The following LAMC1 variants were observed in gnomAD, a reference collection of about 807,000 sequenced individuals.
LAMC1 encodes the protein laminin subunit gamma 1.
Under a neutral mutation model 173.6 loss-of-function variants are expected in LAMC1, and 38 were observed. The observed-to-expected ratio is 0.22, with a 90% CI of 0.17 to 0.29. The LOEUF (loss-of-function observed/expected upper bound fraction) is 0.29. Among genes scored for constraint, LAMC1 ranks in the 10% least tolerant of loss-of-function variants. The pLI is 1.00. For synonymous variants in LAMC1, 746 were observed against 749.1 expected (o/e 1.00, Z 0.07); for missense variants, 1,824 against 2,051.8 (o/e 0.89, Z 2.14).
intron 15 of LAMC1, 70 bp from the exon 16 acceptor site, chr1:183,126,050 T>TA (rs55856623): frequency 0.012 from 15,848 of 1,315,184 alleles, no homozygotes; most frequent in Non-Finnish European, 0.013. Flanking sequence ...AGTGCTATAC[T>TA]AAAAAAAAAA....
At chr1:183,044,715 T>C (rs1408089218) in intron 1 of LAMC1, among the ~76,000 whole-genome samples, 2 of 152,168 alleles carry the variant, frequency 1.3e-5, no homozygotes, top group Non-Finnish European at 2.9e-5. Flanking sequence ...AAGACCTGTC[T>C]GTTCTGTTGA....
chr1:183,088,671 T>G (rs776560227), intron 1 of LAMC1, among the ~76,000 whole-genome samples: 1 of 152,186 alleles, frequency 6.6e-6, no homozygotes, highest in African/African-American at 2.4e-5. Context: ...GAATAAATAC[T>G]CAAGTAGTGA....
intron 1 of LAMC1, among the ~76,000 whole-genome samples, chr1:183,095,942 A>G (rs1404347578): frequency 6.6e-6 from 1 of 152,198 alleles, no homozygotes; most frequent in Non-Finnish European, 1.5e-5. Flanking sequence ...ATTACTCTCC[A>G]AGGGTGTTTG....
In LAMC1 at chr1:183,127,393, G is replaced by A. The variant is rs1656649829; in HGVS notation, c.3112G>A (p.Val1038Ile). Residue 1038 changes from valine to isoleucine, a missense_variant, in exon 17 of 28, where the codon GTA becomes ATA. By Grantham distance (29) the Val-to-Ile change is conservative. Transcript: ENST00000258341. ...GGAATGTCCAGCTTGTTACCGGCTGGTAAAGGATAAGGTAAGCTGTCAATA... is the reference window on the plus strand; with the variant it reads ...GGAATGTCCAGCTTGTTACCGGCTGATAAAGGATAAGGTAAGCTGTCAATA... ...CQECPACYRL[V>I]KDKVADHRVK... 4 of 1,613,902 alleles carry A rather than the reference G, an allele frequency of 2.5e-6. No individual in the cohort carries two copies. Among genetic ancestry groups the A allele is most frequent in the Admixed American group, 3.3e-5 (2 of 60,006 alleles).
chr1:183,031,447 G>A (rs1465429039), intron 1 of LAMC1, among the ~76,000 whole-genome samples: 1 of 152,136 alleles, frequency 6.6e-6, no homozygotes, highest in Non-Finnish European at 1.5e-5. Context: ...TGGGATTACA[G>A]ACATGTGCCA....
At chr1:183,036,798 GGT>G (rs1449924473) in intron 1 of LAMC1, among the ~76,000 whole-genome samples, 1 of 149,912 alleles carries the variant, frequency 6.7e-6, no homozygotes. Flanking sequence ...TTTTTTAGAT[GGT>G]GTTTCACTCT....
At chr1:183,024,836 C>A (rs575332220) in intron 1 of LAMC1, among the ~76,000 whole-genome samples, 1 of 152,326 alleles carries the variant, frequency 6.6e-6, no homozygotes, top group East Asian at 1.9e-4. Flanking sequence ...TACTGTCTTC[C>A]CTTTTGCTTT....
chr1:183,140,273 G>C, intron 26 of LAMC1, 131 bp from the exon 27 acceptor site: 1 of 148,288 alleles, frequency 6.7e-6, no homozygotes, highest in East Asian at 1.7e-4. Context: ...AAAGCAATGA[G>C]AGGTTTCAAT....
chr1:183,038,744 C>A (rs997401053), intron 1 of LAMC1, among the ~76,000 whole-genome samples: 1 of 152,018 alleles, frequency 6.6e-6, no homozygotes. Context: ...AAATCCTCGA[C>A]CATTTTATTA....
chr1:183,126,279 G>T lies in LAMC1; in HGVS notation c.2944+17G>T. ...GCTGCAAACGTAAGGGGTGTTGGTG[G>T]CATACAACTCTAAGCTTCCACTAAT... On this transcript the variant is annotated intron_variant, in intron 16 of 27. Coordinates refer to ENST00000258341, the MANE Select transcript of LAMC1 (RefSeq NM_002293.4). The T allele has an allele frequency of 6.2e-7, 1 of 1,610,802 alleles. No homozygotes were observed. Among genetic ancestry groups the T allele is most frequent in the Non-Finnish European group, 8.5e-7 (1 of 1,178,640 alleles).
chr1:183,131,333 A>G lies in LAMC1; in HGVS notation c.3521A>G (p.Asn1174Ser), dbSNP rs1167072222. 1.2e-6 allele frequency: 2 copies of G among 1,613,900 alleles called. No individual in the cohort carries two copies. Among genetic ancestry groups the G allele is most frequent in the African/African-American group, 2.7e-5 (2 of 74,890 alleles). Residue 1174 changes from asparagine to serine, a missense_variant, in exon 20 of 28, where the codon AAC becomes AGC. Physicochemically the swap from Asn to Ser is conservative, Grantham distance 46. Transcript: ENST00000258341. ...CAGCCAGAATCTACAGGGGACCCAA[A>G]CAACATGACTCTTTTGGCAGAAGAG... ...VTQPESTGDP[N>S]NMTLLAEEAR...
At chr1:183,139,952 T>A (rs555295459) in intron 26 of LAMC1, among the ~76,000 whole-genome samples, 1 of 152,066 alleles carries the variant, frequency 6.6e-6, no homozygotes, top group South Asian at 2.1e-4. Context: ...CTATGAAAAT[T>A]TTCAAAGAAT....
At chr1:183,056,457 C>T (rs1015017911) in intron 1 of LAMC1, among the ~76,000 whole-genome samples, 6 of 152,138 alleles carry the variant, frequency 3.9e-5, no homozygotes, top group African/African-American at 1.4e-4. Flanking sequence ...TATTATCCAC[C>T]AGTCACGTCC....
At chr1:183,070,281 A>G (rs1055864981) in intron 1 of LAMC1, among the ~76,000 whole-genome samples, 7 of 152,150 alleles carry the variant, frequency 4.6e-5, no homozygotes, top group Non-Finnish European at 7.3e-5. Flanking sequence ...GAACTCCTCT[A>G]TTCCTTCCAT....
intron 18 of LAMC1, among the ~76,000 whole-genome samples, chr1:183,130,080 A>G (rs1656738847): frequency 1.3e-5 from 2 of 152,180 alleles, no homozygotes; most frequent in Non-Finnish European, 1.5e-5. Flanking sequence ...CAACCACTGC[A>G]TAAGACCAGC....
intron 1 of LAMC1, among the ~76,000 whole-genome samples, chr1:183,094,200 C>T (rs1028158337): frequency 3.3e-5 from 5 of 152,134 alleles, no homozygotes; most frequent in South Asian, 2.1e-4. Context: ...ATGTGCCTGC[C>T]TCAGGGTATT....
At chr1:183,129,165 A>C (rs1466550673) in intron 18 of LAMC1, among the ~76,000 whole-genome samples, 2 of 142,018 alleles carry the variant, frequency 1.4e-5, no homozygotes, top group African/African-American at 5.3e-5. Context: ...GGCTCACTGC[A>C]ACCTCCACCT....
At chr1:183,134,584 C>A in intron 22 of LAMC1, 76 bp from the exon 23 acceptor site, 1 of 1,187,944 alleles carries the variant, frequency 8.4e-7, no homozygotes, top group Non-Finnish European at 1.2e-6. Flanking sequence ...TTAGGTGTTA[C>A]AGAGTTCCTA....
intron 1 of LAMC1, among the ~76,000 whole-genome samples, chr1:183,089,667 C>G (rs954034239): frequency 6.6e-6 from 1 of 151,922 alleles, no homozygotes; most frequent in African/African-American, 2.4e-5. Flanking sequence ...ACTATTTAAT[C>G]TATAACACTA....
Sources: allele counts gnomAD v4.1 joint callset (sites outside exome capture counted in the v4.1 genomes callset), GRCh38; gene constraint gnomAD v4.1.1; transcripts MANE v1.5; gene names NCBI Gene and HGNC (gene_info 2026-07-23, HGNC 2026-07-21).